The following DLGAP2 variants were observed in gnomAD, a reference collection of about 807,000 sequenced individuals.
DLGAP2 encodes the protein disks large-associated protein 2.
In DLGAP2, 26 loss-of-function variants were observed where a neutral mutation model predicts 100.3. That is an observed-to-expected ratio of 0.26 (90% CI 0.19 to 0.36). The LOEUF is 0.36. DLGAP2 is among the 10% of genes least tolerant of loss of function. DLGAP2 has a pLI of 1.00. For synonymous variants in DLGAP2, 886 were observed against 630.1 expected (o/e 1.41, Z -6.08); for missense variants, 1,858 against 1,453.2 (o/e 1.28, Z -4.53).
At chr8:1,062,965 C>A (rs1285715824) in intron 2 of DLGAP2, among the ~76,000 whole-genome samples, 3 of 152,152 alleles carry the variant, frequency 2.0e-5, no homozygotes, top group African/African-American at 4.8e-5. Flanking sequence ...ATGCAGCAGC[C>A]GGGCTGCTGG....
At chr8:1,092,303 C>G (rs1804211157) in intron 2 of DLGAP2, among the ~76,000 whole-genome samples, 1 of 152,238 alleles carries the variant, frequency 6.6e-6, no homozygotes. Flanking sequence ...CTGGCACCTC[C>G]ACAGCCCTCT....
intron 2 of DLGAP2, among the ~76,000 whole-genome samples, chr8:1,042,842 G>A (rs113918368): frequency 5.3e-4 from 33 of 62,188 alleles, no homozygotes; most frequent in Non-Finnish European, 8.8e-4. Context: ...TGGGTGGTGG[G>A]TGTGGGTGGT....
intron 3 of DLGAP2, among the ~76,000 whole-genome samples, chr8:1,379,135 T>G (rs924523469): frequency 2.6e-4 from 39 of 152,266 alleles, no homozygotes; most frequent in African/African-American, 9.4e-4. Context: ...ACAAGGCCAG[T>G]TCTTCCCTGA....
intron 2 of DLGAP2, chr8:1,019,227 C>G (rs570889296): frequency 1.3e-5 from 2 of 152,162 alleles, no homozygotes; most frequent in South Asian, 4.2e-4. Flanking sequence ...GCTGGCTTTC[C>G]CACATGCACA....
At chr8:1,067,140 A>T (rs954520750) in intron 2 of DLGAP2, among the ~76,000 whole-genome samples, 2 of 152,038 alleles carry the variant, frequency 1.3e-5, no homozygotes, top group African/African-American at 4.8e-5. Context: ...TGATCTTCCC[A>T]TTCTTCTGTG....
chr8:1,210,321 G>A (rs1307914085), intron 2 of DLGAP2, among the ~76,000 whole-genome samples: 1 of 150,976 alleles, frequency 6.6e-6, no homozygotes, highest in African/African-American at 2.5e-5. Flanking sequence ...TTGTCTGGAA[G>A]GGCATGTGTC....
chr8:1,467,623 C>G (rs1377007583), intron 3 of DLGAP2, among the ~76,000 whole-genome samples: 1 of 152,156 alleles, frequency 6.6e-6, no homozygotes, highest in Non-Finnish European at 1.5e-5. Context: ...GTCAAGTGGA[C>G]AGACTGCCCT....
intron 8 of DLGAP2, among the ~76,000 whole-genome samples, chr8:1,656,048 G>C (rs559521404): frequency 8.1e-4 from 123 of 152,350 alleles, no homozygotes; most frequent in African/African-American, 2.7e-3. Context: ...TGGAGGCCAG[G>C]TGTGGCATCT....
At chr8:1,499,728 G>C (rs1330607952) in intron 3 of DLGAP2, among the ~76,000 whole-genome samples, 3 of 152,288 alleles carry the variant, frequency 2.0e-5, no homozygotes, top group African/African-American at 7.2e-5. Flanking sequence ...TTTTTTAAAA[G>C]CTGTAACTGG....
chr8:1,225,445 T>C (rs1798394736), intron 2 of DLGAP2, among the ~76,000 whole-genome samples: 1 of 152,202 alleles, frequency 6.6e-6, no homozygotes, highest in Admixed American at 6.5e-5. Flanking sequence ...TGGGGAACGG[T>C]CACTTACTAG....
chr8:1,433,698 C>G (rs1330915179), intron 3 of DLGAP2, among the ~76,000 whole-genome samples: 3 of 148,328 alleles, frequency 2.0e-5, no homozygotes, highest in Non-Finnish European at 4.4e-5. Flanking sequence ...TGGAGTTTTG[C>G]TAGACACTGA....
chr8:1,265,798 A>G (rs1323256891), intron 3 of DLGAP2, among the ~76,000 whole-genome samples: 2 of 152,242 alleles, frequency 1.3e-5, no homozygotes, highest in African/African-American at 4.8e-5. Context: ...CTGAGACAAT[A>G]AAGAGAGTGA....
intron 3 of DLGAP2, among the ~76,000 whole-genome samples, chr8:1,488,267 G>C (rs1584948795): frequency 6.6e-6 from 1 of 152,146 alleles, no homozygotes; most frequent in Non-Finnish European, 1.5e-5. Context: ...CCCAAACACA[G>C]ACGCCCGTCT....
intron 3 of DLGAP2, among the ~76,000 whole-genome samples, chr8:1,339,682 A>C (rs2096190427): frequency 6.6e-6 from 1 of 152,126 alleles, no homozygotes; most frequent in Non-Finnish European, 1.5e-5. Flanking sequence ...CCTTCGTTTA[A>C]TAGGGGGATC....
At chr8:1,417,747 C>G (rs1413363910) in intron 3 of DLGAP2, among the ~76,000 whole-genome samples, 3 of 78,214 alleles carry the variant, frequency 3.8e-5, no homozygotes, top group African/African-American at 5.5e-5. Flanking sequence ...CCACGGAGAC[C>G]TATGAACGGA....
intron 3 of DLGAP2, among the ~76,000 whole-genome samples, chr8:1,334,914 C>G (rs1279034511): frequency 1.3e-5 from 2 of 152,252 alleles, no homozygotes; most frequent in Non-Finnish European, 2.9e-5. Flanking sequence ...TTGGCCCTCC[C>G]TGCGGGGCAC....
rs138729173 is a variant in DLGAP2, at chr8:1,190,373, G to T, written c.74-68478G>T. On this transcript the variant is annotated intron_variant, in intron 2 of 14. Transcript: ENST00000637795. Reference sequence around the variant, plus strand: ...GGCCTGTGTTAGTTGGCAGTTATGTGCTTGGAGTGGCGAGAGTCAGGGTCG... The same window carrying T: ...GGCCTGTGTTAGTTGGCAGTTATGTTCTTGGAGTGGCGAGAGTCAGGGTCG... Among the ~76,000 whole-genome samples, 1,149 of 152,236 alleles carry T rather than the reference G, an allele frequency of 7.5e-3. 10 individuals are homozygous for T. The highest frequency in any genetic ancestry group is 0.026 in the African/African-American group (1,099 of 41,532).
chr8:872,532 A>T (rs1047844538), intron 1 of DLGAP2, among the ~76,000 whole-genome samples: 1 of 151,948 alleles, frequency 6.6e-6, no homozygotes, highest in Admixed American at 6.6e-5. Flanking sequence ...GGGTTTCTCC[A>T]TGTTGGCCAG....
intron 1 of DLGAP2, chr8:892,964 G>C (rs1200569271): frequency 1.3e-5 from 2 of 152,154 alleles, no homozygotes; most frequent in African/African-American, 4.8e-5. Flanking sequence ...CTGCCTCTGG[G>C]ATTGGTCTGT....
Sources: gnomAD v4.1 joint callset for allele counts (sites outside exome capture counted in the v4.1 genomes callset) on GRCh38, gnomAD v4.1.1 for gene constraint, MANE v1.5 for transcripts, NCBI Gene and HGNC (gene_info 2026-07-23, HGNC 2026-07-21) for gene names.